Variants in CDYL2 observed in about 807,000 individuals in gnomAD.
CDYL2 encodes chromodomain Y like 2.
A neutral mutation model predicts 49.4 loss-of-function variants in CDYL2; 23 were observed. The ratio of observed to expected loss-of-function variants is 0.47; its 90% confidence interval spans 0.34 to 0.66. The LOEUF (loss-of-function observed/expected upper bound fraction) is 0.66. Among genes scored for constraint, CDYL2 ranks in the 30% least tolerant of loss-of-function variants. The pLI is 0.01. For synonymous variants in CDYL2, 360 were observed against 268.8 expected, an observed-to-expected ratio of 1.34 and a Z score of -3.32; for missense variants, 678 against 656.4, an observed-to-expected ratio of 1.03 and a Z score of -0.36.
At chr16:80,636,588 G>A (rs1265231747) in intron 2 of CDYL2, among the ~76,000 whole-genome samples, 1 of 152,066 alleles carries the variant, frequency 6.6e-6, no homozygotes, top group Non-Finnish European at 1.5e-5. Flanking sequence ...GAAATAGGAA[G>A]CTTTTACACT....
intron 1 of CDYL2, among the ~76,000 whole-genome samples, chr16:80,777,253 A>C (rs1407881543): frequency 1.3e-5 from 2 of 152,144 alleles, no homozygotes; most frequent in African/African-American, 4.8e-5. Context: ...TTTTAAAACT[A>C]TGTGTCGAGT....
intron 4 of CDYL2, among the ~76,000 whole-genome samples, chr16:80,613,586 C>G (rs1447413828): frequency 6.6e-6 from 1 of 152,204 alleles, no homozygotes; most frequent in Non-Finnish European, 1.5e-5. Flanking sequence ...GGCTACAAGA[C>G]TGGGCAATAT....
At chr16:80,804,758 CG>C, upstream of CDYL2, among the ~76,000 whole-genome samples, 1 of 149,582 alleles carries the variant, frequency 6.7e-6, no homozygotes, top group East Asian at 2.0e-4. Context: ...GCGGGGCCCC[CG>C]GGGGGCGGCG....
chr16:80,631,835 T>C (rs1907576859), intron 3 of CDYL2, among the ~76,000 whole-genome samples: 1 of 152,136 alleles, frequency 6.6e-6, no homozygotes, highest in Non-Finnish European at 1.5e-5. Flanking sequence ...AAAGCCACAA[T>C]GAGATACCAC....
chr16:80,665,413 C>A (rs1909218869), intron 2 of CDYL2, among the ~76,000 whole-genome samples: 1 of 150,748 alleles, frequency 6.6e-6, no homozygotes, highest in South Asian at 2.1e-4. Context: ...GCCTGGCACA[C>A]ACGAGGGCTC....
rs368659811 is a variant in CDYL2 at position 80,677,250 on chromosome 16, C to T, written c.616+7288G>A. 1.2e-4 allele frequency among the ~76,000 whole-genome samples: 19 copies of T among 152,192 alleles called. No homozygotes were observed. In the East Asian group the frequency reaches 3.1e-3, roughly 25 times the overall value. ...CCTCCCAAAGTGCTGGGATTACAGG[C>T]ATGAGCCACCACTCCTGGCCCAATT... On this transcript the variant is annotated intron_variant, in intron 2 of 6. Transcript: ENST00000570137.
intron 1 of CDYL2, among the ~76,000 whole-genome samples, chr16:80,761,346 T>C (rs1384846040): frequency 6.6e-6 from 1 of 152,242 alleles, no homozygotes; most frequent in Non-Finnish European, 1.5e-5. Context: ...TTCTGTTTCC[T>C]CATCTGTGAA....
At chr16:80,723,726 C>A (rs180858546) in intron 1 of CDYL2, among the ~76,000 whole-genome samples, 91 of 152,302 alleles carry the variant, frequency 6.0e-4, no homozygotes, top group African/African-American at 2.1e-3. Context: ...TAGCTACTTT[C>A]AAAACTGCAG....
chr16:80,723,566 A>G (rs181073100), intron 1 of CDYL2, among the ~76,000 whole-genome samples: 3 of 152,184 alleles, frequency 2.0e-5, no homozygotes, highest in African/African-American at 4.8e-5. Context: ...TCTTATCCCA[A>G]TGAGATACTG....
In CDYL2 at chr16:80,633,086, T is replaced by C; in HGVS notation, c.767A>G (p.Lys256Arg). The stretch of plus-strand genomic sequence containing the variant: ...CAGGATGTGCGTGAACCCTTCTTCC[T>C]TCCGCACAACGATGTCTCGAAACCG... ...NCRFRDIVVR[K>R]EEGFTHILLS... Residue 256 changes from lysine to arginine, a missense_variant, in exon 3 of 7, where the codon AAG (lysine) becomes AGG (arginine). Lys to Arg is a conservative substitution (Grantham distance 26). Around this residue, in one of 3 missense-constraint regions of CDYL2, gnomAD observed 478 missense variants for 427.0 expected, o/e 1.12. Transcript: ENST00000570137. The C allele has an allele frequency of 6.2e-7, 1 of 1,614,194 alleles. No homozygotes were observed. Among genetic ancestry groups the C allele is most frequent in the Non-Finnish European group, 8.5e-7 (1 of 1,180,016 alleles).
At chr16:80,679,594 G>C (rs1456761185) in intron 2 of CDYL2, 5 of 414,182 alleles carry the variant, frequency 1.2e-5, no homozygotes, top group South Asian at 8.9e-5. Context: ...GAAACTCCAA[G>C]GCCTCATCTC....
intron 4 of CDYL2, among the ~76,000 whole-genome samples, chr16:80,616,598 C>T (rs751092049): frequency 7.2e-5 from 11 of 152,156 alleles, no homozygotes; most frequent in South Asian, 2.1e-4. Context: ...TCAGCCAGTA[C>T]GGGACCAAAC....
Position 80,612,940 on chromosome 16 carries a change from C to T in CDYL2, c.1008-104G>A. On this transcript the variant is annotated intron_variant, in intron 4 of 6. Coordinates refer to ENST00000570137, the MANE Select transcript of CDYL2 (RefSeq NM_152342.4). This position sits in a 1 kb window ranked among gnomAD's most constrained non-coding sequence, Gnocchi z 5.0. ...GCTGTGAGGAGCACCCTCAGGTCGT[C>T]AGAGGTTAGAGGTGCCAGGCAAGGG... 2.0e-5 allele frequency: 22 copies of T among 1,096,024 alleles called. No homozygotes were observed. In the South Asian group the frequency reaches 3.5e-4, roughly 18 times the overall value. The allele number at this position is 1,096,024 out of a possible 1,614,324, so 67.9% of individuals were successfully genotyped here. A position where few individuals can be genotyped will look rare whatever the true frequency, so the allele number is the denominator to read the frequency against.
chr16:80,714,407 A>G (rs1381318311), intron 1 of CDYL2, among the ~76,000 whole-genome samples: 1 of 152,224 alleles, frequency 6.6e-6, no homozygotes, highest in African/African-American at 2.4e-5. Flanking sequence ...ATTGCTATAC[A>G]TTGTATACAC....
intron 3 of CDYL2, among the ~76,000 whole-genome samples, chr16:80,622,416 C>G (rs1226467337): frequency 6.6e-6 from 1 of 152,046 alleles, no homozygotes; most frequent in Non-Finnish European, 1.5e-5. Flanking sequence ...TCCCCCTATT[C>G]TCCCTTGCCC....
In CDYL2 at chr16:80,695,334, G is replaced by A. The variant is rs538685010; in HGVS notation, c.25-10205C>T. Reference sequence around the variant, plus strand: ...AAAACCAAAGATAAATAATAAAAGCGGAAGAAAGAAACAAAGGCTATACAA... The same window carrying A: ...AAAACCAAAGATAAATAATAAAAGCAGAAGAAAGAAACAAAGGCTATACAA... On this transcript the variant is annotated intron_variant, in intron 1 of 6. Coordinates refer to ENST00000570137, the MANE Select transcript of CDYL2 (RefSeq NM_152342.4). Among the ~76,000 whole-genome samples the A allele has an allele frequency of 5.9e-5, 9 of 152,148 alleles. No homozygotes were observed. In the East Asian group the frequency reaches 9.7e-4, roughly 16 times the overall value.
intron 1 of CDYL2, among the ~76,000 whole-genome samples, chr16:80,695,843 T>A (rs746349536): frequency 3.9e-5 from 6 of 152,104 alleles, no homozygotes; most frequent in Non-Finnish European, 8.8e-5. Flanking sequence ...ACGAGACAGA[T>A]CAAGCAGGCA....
rs556861826 is a variant in CDYL2, at chr16:80,766,887, T to C, written c.24+37263A>G. Among the ~76,000 whole-genome samples the C allele has an allele frequency of 2.0e-5, 3 of 152,344 alleles. No homozygotes were observed. The South Asian group carries it at 6.2e-4, about 32-fold the overall frequency. On this transcript the variant is annotated intron_variant, in intron 1 of 6. Coordinates refer to ENST00000570137, the MANE Select transcript of CDYL2 (RefSeq NM_152342.4). Reference sequence around the variant, plus strand: ...AAACACTGGCTAAGCACTGACTGTATACCAGGCACTGGTTTTTACAAATAC... The same window carrying C: ...AAACACTGGCTAAGCACTGACTGTACACCAGGCACTGGTTTTTACAAATAC...
At chr16:80,610,127 T>C (rs1013539147) in intron 5 of CDYL2, among the ~76,000 whole-genome samples, 14 of 152,016 alleles carry the variant, frequency 9.2e-5, no homozygotes, top group African/African-American at 2.9e-4. Context: ...AGGGGGAATA[T>C]CAAGGAAGGA....
Sources: gnomAD v4.1 joint callset for allele counts (sites outside exome capture counted in the v4.1 genomes callset) on GRCh38, gnomAD v4.1.1 for gene constraint, gnomAD v4.1.1 regional missense constraint, Gnocchi (gnomAD v3.1) non-coding constraint, MANE v1.5 for transcripts, NCBI Gene and HGNC (gene_info 2026-07-23, HGNC 2026-07-21) for gene names.